Variants in DOCK9 observed in about 807,000 individuals in gnomAD.
The protein encoded by DOCK9 is dedicator of cytokinesis 9, also known as dedicator of cytokinesis protein 9.
In DOCK9, 89 loss-of-function variants were observed where a neutral mutation model predicts 263.3. That is an observed-to-expected ratio of 0.34 (90% CI 0.28 to 0.40). The LOEUF is 0.40. Among genes scored for constraint, DOCK9 ranks in the 10% least tolerant of loss-of-function variants. The pLI, the probability that DOCK9 is intolerant of heterozygous loss-of-function variation, is 1.00. For synonymous variants in DOCK9, 976 were observed against 973.1 expected, an observed-to-expected ratio of 1.00 and a Z score of -0.06; for missense variants, 2,140 against 2,603.4, an observed-to-expected ratio of 0.82 and a Z score of 3.87.
rs768527661 is a variant in DOCK9 at position 98,882,017 on chromosome 13, C to T, written c.2560-10G>A. 3.8e-6 allele frequency: 6 copies of T among 1,562,020 alleles called. No homozygotes were observed. Among genetic ancestry groups the T allele is most frequent in the Non-Finnish European group, 5.2e-6 (6 of 1,149,186 alleles). On this transcript the variant is annotated splice_polypyrimidine_tract_variant and intron_variant, in intron 23 of 52. Transcript: ENST00000682017. The stretch of plus-strand genomic sequence containing the variant: ...CCATCGCATGCAGACTCTACGGACA[C>T]AGAATGGCACAGTTCATGTTATCCT...
intron 1 of DOCK9, among the ~76,000 whole-genome samples, chr13:99,053,881 G>A (rs2142229179): frequency 6.6e-6 from 1 of 152,228 alleles, no homozygotes; most frequent in South Asian, 2.1e-4. Context: ...GAAAACACCA[G>A]GAGGTTTTGG....
intron 1 of DOCK9, among the ~76,000 whole-genome samples, chr13:98,991,832 G>T (rs1410983558): frequency 6.6e-6 from 1 of 151,714 alleles, no homozygotes; most frequent in African/African-American, 2.4e-5. Flanking sequence ...TCTGGCCCAA[G>T]AAAAAAGTAA....
At position 98,794,605 on chromosome 13, in the gene DOCK9, C is replaced by T. The variant is rs1188836992; in HGVS notation, c.*21G>A. On this transcript the variant is annotated 3_prime_UTR_variant, in exon 53 of 53. Coordinates refer to ENST00000682017, the MANE Select transcript of DOCK9 (RefSeq NM_001366683.2). Reference sequence around the variant, plus strand: ...TTGCAAATGACAAAGCAAGTCCCCACACACGGGCCATGAGATGTAATCACA... The same window carrying T: ...TTGCAAATGACAAAGCAAGTCCCCATACACGGGCCATGAGATGTAATCACA... 4 of 1,565,932 alleles carry T rather than the reference C, an allele frequency of 2.6e-6. No homozygotes were observed. In the East Asian group the frequency reaches 7.1e-5, roughly 28 times the overall value.
At chr13:98,822,467 ATC>A (rs1325642061) in intron 45 of DOCK9, among the ~76,000 whole-genome samples, 2 of 152,160 alleles carry the variant, frequency 1.3e-5, no homozygotes, top group African/African-American at 4.8e-5. Context: ...TGCTTTCCTT[ATC>A]TAATTCCAAA....
chr13:98,978,603 A>G (rs139483038), upstream of DOCK9, among the ~76,000 whole-genome samples: 588 of 152,322 alleles, frequency 3.9e-3, 18 homozygotes, highest in Non-Finnish European at 5.9e-4. Context: ...TTCATGGGAT[A>G]CCACATATCA....
At position 98,848,615 on chromosome 13, in the gene DOCK9, G is replaced by A. The variant is rs763041568; in HGVS notation, c.4038C>T (p.Tyr1346=). 4 of 1,612,436 alleles carry A rather than the reference G, an allele frequency of 2.5e-6. No individual in the cohort carries two copies. The South Asian group carries it at 3.3e-5, about 13-fold the overall frequency. ...ISEVCLHQFQ[Y]MGKRYIARNQ... ...ACCTGGCTATGTATCGCTTCCCCAT[G>A]TACTGGAACTGGTGCAGGCAGACTC... Residue 1346 remains tyrosine, a synonymous_variant, in exon 37 of 53, where the codon TAC becomes TAT. Coordinates refer to ENST00000682017, the MANE Select transcript of DOCK9 (RefSeq NM_001366683.2).
At chr13:99,012,377 A>G (rs889732440) in intron 1 of DOCK9, among the ~76,000 whole-genome samples, 17 of 152,326 alleles carry the variant, frequency 1.1e-4, no homozygotes, top group African/African-American at 4.1e-4. Context: ...CTTCAGAAGA[A>G]TGGGTGGCCT....
At chr13:98,816,668 A>G (rs2091884228) in intron 45 of DOCK9, among the ~76,000 whole-genome samples, 1 of 149,032 alleles carries the variant, frequency 6.7e-6, no homozygotes, top group African/African-American at 2.5e-5. Context: ...AGGCATGGAA[A>G]GCTGAGGAGA....
intron 1 of DOCK9, among the ~76,000 whole-genome samples, chr13:99,085,634 C>CA (rs1433919465): frequency 1.3e-5 from 2 of 152,146 alleles, no homozygotes; most frequent in African/African-American, 2.4e-5. Context: ...ATCATGCCCC[C>CA]CAAGCCTTCC....
intron 1 of DOCK9, among the ~76,000 whole-genome samples, chr13:99,078,671 T>G (rs2042007678): frequency 1.3e-5 from 2 of 152,164 alleles, no homozygotes; most frequent in African/African-American, 4.8e-5. Context: ...CCAGCCCTCC[T>G]CTCTCCACCA....
intron 2 of DOCK9, among the ~76,000 whole-genome samples, chr13:98,939,279 C>CT (rs1368911715): frequency 6.6e-6 from 1 of 152,164 alleles, no homozygotes; most frequent in Non-Finnish European, 1.5e-5. Context: ...GGTCTGCTCT[C>CT]TGAGGACTGA....
At chr13:98,860,543 G>T in intron 32 of DOCK9, 21 bp from the exon 33 acceptor site, 1 of 1,541,338 alleles carries the variant, frequency 6.5e-7, no homozygotes. Context: ...GAGGAAAGCA[G>T]AAACAATCAA....
intron 39 of DOCK9, 24 bp downstream of exon 39, chr13:98,837,470 C>G (rs767109098): frequency 1.9e-6 from 3 of 1,545,940 alleles, no homozygotes; most frequent in Non-Finnish European, 2.7e-6. Flanking sequence ...AAACTAGAAC[C>G]ACGAACAGCA....
At chr13:98,994,981 T>TA (rs1880667183) in intron 1 of DOCK9, among the ~76,000 whole-genome samples, 1 of 152,240 alleles carries the variant, frequency 6.6e-6, no homozygotes, top group African/African-American at 2.4e-5. Context: ...GAGGTATGGT[T>TA]ATTACCCTTT....
intron 15 of DOCK9, among the ~76,000 whole-genome samples, chr13:98,892,865 C>T (rs1237667513): frequency 2.0e-5 from 3 of 152,128 alleles, no homozygotes; most frequent in East Asian, 1.9e-4. Flanking sequence ...TTCCCCACCA[C>T]GGTTTTAGGG....
chr13:98,849,976 T>C (rs1488873775), intron 36 of DOCK9, 71 bp downstream of exon 36: 1 of 1,104,526 alleles, frequency 9.1e-7, no homozygotes, highest in Admixed American at 2.1e-5. Flanking sequence ...TTCAACTACA[T>C]AGTATTCTTC....
chr13:98,819,213 T>C (rs1172486896), intron 45 of DOCK9, among the ~76,000 whole-genome samples: 1 of 152,212 alleles, frequency 6.6e-6, no homozygotes, highest in East Asian at 1.9e-4. Flanking sequence ...AATCTATATT[T>C]GTAGCAGGGA....
intron 32 of DOCK9, among the ~76,000 whole-genome samples, chr13:98,862,334 G>A (rs1030311845): frequency 1.3e-5 from 2 of 152,114 alleles, no homozygotes; most frequent in African/African-American, 4.8e-5. Flanking sequence ...TATCTAAGAT[G>A]TAAGTTAAGA....
chr13:98,942,248 G>GA (rs1252921842), intron 2 of DOCK9, among the ~76,000 whole-genome samples: 1 of 99,370 alleles, frequency 1.0e-5, no homozygotes, highest in Non-Finnish European at 2.1e-5. Flanking sequence ...TTTTTTTTTT[G>GA]TTTTTTTGAG....
Sources: allele counts gnomAD v4.1 joint callset (sites outside exome capture counted in the v4.1 genomes callset), GRCh38; gene constraint gnomAD v4.1.1; transcripts MANE v1.5; gene names NCBI Gene and HGNC (gene_info 2026-07-23, HGNC 2026-07-21).